The following CIMIP2B variants were observed in gnomAD, a reference collection of about 807,000 sequenced individuals.
The protein encoded by CIMIP2B is family with sequence similarity 166 member B.
chr9:35,562,806 A>G, the CIMIP2B span: 1 of 1,609,530 alleles, frequency 6.2e-7, no homozygotes, highest in Non-Finnish European at 8.5e-7. Context: ...TGCTGCCCCC[A>G]CTGCCCGGAC....
the CIMIP2B span, chr9:35,563,493 T>C: frequency 1.1e-6 from 1 of 916,740 alleles, no homozygotes. Context: ...CTCAGCAGTG[T>C]ATATATTTGG....
At chr9:35,562,791 ACTC>A in the CIMIP2B span, 1 of 1,607,702 alleles carries the variant, frequency 6.2e-7, no homozygotes, top group Non-Finnish European at 8.5e-7. Context: ...CAGCCACACT[ACTC>A]ATGCTGCCCC....
At chr9:35,562,764 C>T in the CIMIP2B span, 6 of 1,610,410 alleles carry the variant, frequency 3.7e-6, no homozygotes, top group Non-Finnish European at 5.1e-6. Context: ...CAATCAAGTG[C>T]ACATCCCCTG....
the CIMIP2B span, chr9:35,562,733 C>T: frequency 3.1e-6 from 5 of 1,613,154 alleles, no homozygotes; most frequent in Non-Finnish European, 3.4e-6. Flanking sequence ...GTCACACAAT[C>T]TCCCAAGGAG....
chr9:35,562,936 TTC>T, the CIMIP2B span: 1 of 1,614,030 alleles, frequency 6.2e-7, no homozygotes, highest in Non-Finnish European at 8.5e-7. Flanking sequence ...CACCTGGTCC[TTC>T]TCTGTGTCCT....
At chr9:35,562,370 C>CTCT in the CIMIP2B span, 1 of 1,460,816 alleles carries the variant, frequency 6.8e-7, no homozygotes, top group African/African-American at 1.4e-5. Context: ...TCCCCGGGGG[C>CTCT]TCTTCTCACC....
the CIMIP2B span, chr9:35,563,700 G>A: frequency 6.8e-7 from 1 of 1,470,714 alleles, no homozygotes; most frequent in African/African-American, 1.4e-5. Flanking sequence ...GCTCTAAGCA[G>A]CTTAATTCCT....
chr9:35,563,850 TG>T, the CIMIP2B span: 2 of 1,612,218 alleles, frequency 1.2e-6, no homozygotes, highest in Non-Finnish European at 1.7e-6. Context: ...CATTTCCTTT[TG>T]TTTGCCTTTG....
At chr9:35,563,259 G>T in the CIMIP2B span, 2 of 1,614,008 alleles carry the variant, frequency 1.2e-6, no homozygotes, top group Non-Finnish European at 1.7e-6. Flanking sequence ...CTTGGAGGCC[G>T]AATGGGAGGC....
At chr9:35,562,087 A>ACTT in the CIMIP2B span, 16 of 1,532,548 alleles carry the variant, frequency 1.0e-5, no homozygotes, top group East Asian at 2.4e-5. Context: ...CCAAACTGGA[A>ACTT]CTTATACCCT....
At chr9:35,562,334 A>C in the CIMIP2B span, 1 of 418,804 alleles carries the variant, frequency 2.4e-6, no homozygotes, top group Non-Finnish European at 3.4e-6. Context: ...ATACCCATAC[A>C]AACAAACATT....
chr9:35,563,036 G>C, the CIMIP2B span: 1 of 1,614,000 alleles, frequency 6.2e-7, no homozygotes, highest in Non-Finnish European at 8.5e-7. Context: ...GCCCAGACCT[G>C]GCTGCAGTTC....
the CIMIP2B span, chr9:35,561,960 A>T: frequency 1.5e-6 from 1 of 672,622 alleles, no homozygotes; most frequent in Admixed American, 2.8e-5. Flanking sequence ...TTCCAAAAGG[A>T]TGGCTGGGAT....
chr9:35,563,280 GGT>G, the CIMIP2B span: 1 of 1,613,974 alleles, frequency 6.2e-7, no homozygotes, highest in Non-Finnish European at 8.5e-7. Flanking sequence ...AGAAGTGTGC[GGT>G]GGACAGGGGG....
chr9:35,562,853 C>T, the CIMIP2B span: 28 of 1,613,752 alleles, frequency 1.7e-5, no homozygotes, highest in Admixed American at 4.3e-4. Context: ...CTCTGCACTC[C>T]CCACCAGCTT....
the CIMIP2B span, chr9:35,563,749 G>C: frequency 6.2e-7 from 1 of 1,610,282 alleles, no homozygotes; most frequent in Non-Finnish European, 8.5e-7. Context: ...AGCGGGGAGC[G>C]CTAAGTGGGA....
the CIMIP2B span, among the ~76,000 whole-genome samples, chr9:35,563,568 T>C: frequency 2.0e-5 from 3 of 152,210 alleles, no homozygotes; most frequent in Non-Finnish European, 4.4e-5. Flanking sequence ...CCTGTTCCCA[T>C]GGAGAGAACA....
the CIMIP2B span, chr9:35,562,170 G>A: frequency 8.1e-7 from 1 of 1,228,862 alleles, no homozygotes; most frequent in East Asian, 2.6e-5. Flanking sequence ...CAGTTGGCTA[G>A]ACCTCCAAAC....
the CIMIP2B span, chr9:35,563,783 G>A: frequency 6.2e-7 from 1 of 1,613,872 alleles, no homozygotes; most frequent in African/African-American, 1.3e-5. Flanking sequence ...ATATAATGAG[G>A]GTTCTGAGGG....
Sources: allele counts gnomAD v4.1 joint callset (sites outside exome capture counted in the v4.1 genomes callset), GRCh38; gene constraint gnomAD v4.1.1; transcripts MANE v1.5; gene names NCBI Gene and HGNC (gene_info 2026-07-23, HGNC 2026-07-21).